The following MCTP2 variants were observed in gnomAD, a reference collection of about 807,000 sequenced individuals.
MCTP2 encodes multiple C2 and transmembrane domain-containing protein 2.
MCTP2 carries 132 observed loss-of-function variants against 111.6 expected under a neutral mutation model. The ratio of observed to expected loss-of-function variants is 1.18; its 90% CI spans 1.03 to 1.37. The LOEUF (loss-of-function observed/expected upper bound fraction) is 1.37. Ranked by LOEUF, MCTP2 falls within the 40% of genes most tolerant of loss-of-function variation. The probability of loss-of-function intolerance (pLI) is 0.00; values close to 1 mark genes in which losing one functional copy is unlikely to be tolerated. For missense variants in MCTP2, 1,183 were observed against 1,067.9 expected (o/e 1.11, Z -1.50); for synonymous variants, 395 against 387.7 (o/e 1.02, Z -0.22).
intron 2 of MCTP2, among the ~76,000 whole-genome samples, chr15:94,312,021 C>G (rs1305188271): frequency 6.6e-6 from 1 of 152,126 alleles, no homozygotes; most frequent in Non-Finnish European, 1.5e-5. Flanking sequence ...GTGTTATTAT[C>G]CACTTTAGTG....
chr15:94,307,757 G>A (rs955525986), intron 2 of MCTP2, among the ~76,000 whole-genome samples: 7 of 152,064 alleles, frequency 4.6e-5, no homozygotes, highest in East Asian at 1.9e-4. Context: ...GAGAAATGGC[G>A]CACAGGCTGA....
intron 19 of MCTP2, among the ~76,000 whole-genome samples, chr15:94,444,268 C>T (rs562935261): frequency 7.9e-5 from 12 of 152,350 alleles, no homozygotes; most frequent in African/African-American, 2.4e-4. Flanking sequence ...GGAACTTCCA[C>T]GCCCTCTCTG....
chr15:94,409,305 C>T (rs1712837402), intron 17 of MCTP2, among the ~76,000 whole-genome samples: 1 of 152,114 alleles, frequency 6.6e-6, no homozygotes, highest in African/African-American at 2.4e-5. Flanking sequence ...TTGAGGAACT[C>T]GGACTGGCTC....
At chr15:94,352,657 A>G (rs557435900) in intron 8 of MCTP2, among the ~76,000 whole-genome samples, 1 of 152,282 alleles carries the variant, frequency 6.6e-6, no homozygotes, top group African/African-American at 2.4e-5. Context: ...CTCCTTTCAC[A>G]TTCCAGGCTG....
chr15:94,312,670 G>A (rs2076199184), intron 2 of MCTP2, among the ~76,000 whole-genome samples: 1 of 152,220 alleles, frequency 6.6e-6, no homozygotes, highest in Non-Finnish European at 1.5e-5. Flanking sequence ...GCAAGGGTAA[G>A]AACCGCAGAT....
chr15:94,237,504 A>G (rs971040900), intron 1 of MCTP2, among the ~76,000 whole-genome samples: 1 of 152,012 alleles, frequency 6.6e-6, no homozygotes, highest in Non-Finnish European at 1.5e-5. Flanking sequence ...ATGCCCTACA[A>G]ACTATAAATT....
At chr15:94,352,179 G>A (rs2078340897) in intron 8 of MCTP2, among the ~76,000 whole-genome samples, 2 of 152,194 alleles carry the variant, frequency 1.3e-5, no homozygotes, top group Admixed American at 1.3e-4. Context: ...AAACTTATGA[G>A]GATTCCCTAC....
intron 10 of MCTP2, among the ~76,000 whole-genome samples, chr15:94,361,978 G>A (rs568018969): frequency 6.6e-6 from 1 of 152,254 alleles, no homozygotes; most frequent in South Asian, 2.1e-4. Flanking sequence ...TGAGTCATGT[G>A]GAACTTGCTG....
At chr15:94,476,472 C>T (rs2074358566) in intron 21 of MCTP2, 1 of 367,118 alleles carries the variant, frequency 2.7e-6, no homozygotes, top group Admixed American at 4.5e-5. Context: ...AATGATTCTA[C>T]ATGACAGCAA....
At chr15:94,419,287 A>G (rs1340143610) in intron 17 of MCTP2, among the ~76,000 whole-genome samples, 1 of 152,182 alleles carries the variant, frequency 6.6e-6, no homozygotes, top group African/African-American at 2.4e-5. Context: ...GAATTAGTCA[A>G]AGACAATGTC....
intron 1 of MCTP2, among the ~76,000 whole-genome samples, chr15:94,295,885 A>T (rs576399654): frequency 2.0e-5 from 3 of 150,786 alleles, no homozygotes; most frequent in African/African-American, 7.3e-5. Flanking sequence ...ATTGCACTCC[A>T]GCCTGGGCAA....
intron 14 of MCTP2, among the ~76,000 whole-genome samples, chr15:94,391,652 A>G (rs183762601): frequency 5.9e-5 from 9 of 152,366 alleles, no homozygotes; most frequent in East Asian, 1.9e-4. Context: ...TCCTGGTCCA[A>G]TGTAACCATT....
rs180938853 is a variant in MCTP2, at chr15:94,241,103, C to T, written c.-66+9439C>T. Among the ~76,000 whole-genome samples, 272 of 150,812 alleles carry T rather than the reference C, an allele frequency of 1.8e-3. 1 individual carries two copies. Among genetic ancestry groups the T allele is most frequent in the South Asian group, 5.3e-3 (25 of 4,716 alleles). ...TACTTCTCTGAATACTCCACTTATC[C>T]CCAGCAGAGCTTCTGAGATATCTCC... On this transcript the variant is annotated intron_variant, in intron 1 of 22. Coordinates refer to ENST00000357742, the MANE Select transcript of MCTP2 (RefSeq NM_001385001.1).
intron 1 of MCTP2, among the ~76,000 whole-genome samples, chr15:94,264,591 A>G (rs1049030167): frequency 1.3e-5 from 2 of 150,548 alleles, no homozygotes; most frequent in African/African-American, 4.9e-5. Context: ...AGCCTGGGCG[A>G]CAGAGCGAGA....
chr15:94,356,651 A>G (rs1245064019), intron 9 of MCTP2, among the ~76,000 whole-genome samples: 1 of 152,238 alleles, frequency 6.6e-6, no homozygotes. Context: ...ATAGAATAGC[A>G]TAATACGTGA....
intron 13 of MCTP2, among the ~76,000 whole-genome samples, 167 bp from the exon 14 acceptor site, chr15:94,385,256 G>T (rs1476660723): frequency 6.6e-6 from 1 of 152,080 alleles, no homozygotes; most frequent in Non-Finnish European, 1.5e-5. Flanking sequence ...TATGATGGAA[G>T]GTTTGGGAAT....
intron 1 of MCTP2, among the ~76,000 whole-genome samples, chr15:94,239,834 A>T (rs1353824932): frequency 1.3e-5 from 2 of 152,278 alleles, no homozygotes; most frequent in Middle Eastern, 3.4e-3. Context: ...ATTGTTTTTA[A>T]ATGTCATGAA....
intron 1 of MCTP2, among the ~76,000 whole-genome samples, chr15:94,254,834 A>G (rs1278916479): frequency 6.6e-6 from 1 of 152,234 alleles, no homozygotes; most frequent in Non-Finnish European, 1.5e-5. Context: ...ATGAGTACTT[A>G]GAAACTAATG....
chr15:94,374,964 A>G (rs958558885), intron 12 of MCTP2, among the ~76,000 whole-genome samples: 37 of 152,216 alleles, frequency 2.4e-4, no homozygotes, highest in African/African-American at 8.0e-4. Flanking sequence ...CCCATTGTTC[A>G]ATCCGTTTTC....
Sources: gnomAD v4.1 joint callset for allele counts (sites outside exome capture counted in the v4.1 genomes callset) on GRCh38, gnomAD v4.1.1 for gene constraint, MANE v1.5 for transcripts, NCBI Gene and HGNC (gene_info 2026-07-23, HGNC 2026-07-21) for gene names.